Variants in TRPS1 observed in about 807,000 individuals in gnomAD.
TRPS1 encodes zinc finger transcription factor Trps1.
A neutral mutation model predicts 101.2 loss-of-function variants in TRPS1; 6 were observed. The observed-to-expected ratio is 0.06, with a 90% confidence interval of 0.03 to 0.12. The LOEUF (loss-of-function observed/expected upper bound fraction) is 0.12. Among genes scored for constraint, TRPS1 ranks in the 10% least tolerant of loss-of-function variants. TRPS1 has a pLI of 1.00. For synonymous variants in TRPS1, 578 were observed against 589.8 expected (o/e 0.98, Z 0.29); for missense variants, 1,363 against 1,567.0 (o/e 0.87, Z 2.20).
In TRPS1 at chr8:115,415,107, A is replaced by G. The variant is rs752405769; in HGVS notation, c.2824-23T>C. The G allele has an allele frequency of 3.2e-6, 5 of 1,579,392 alleles. No homozygotes were observed. In the South Asian group the frequency reaches 3.5e-5, roughly 11 times the overall value. ...AGTCTGCAGAGAACACATACAATACATAAAAGGAAAACATTAAAAAATACA... is the reference window on the plus strand; with the variant it reads ...AGTCTGCAGAGAACACATACAATACGTAAAAGGAAAACATTAAAAAATACA... On this transcript the variant is annotated intron_variant, in intron 6 of 6. Coordinates refer to ENST00000395715, the MANE Select transcript of TRPS1 (RefSeq NM_014112.5).
At chr8:115,416,564 TTATAA>T (rs1319926157) in intron 6 of TRPS1, among the ~76,000 whole-genome samples, 1 of 148,502 alleles carries the variant, frequency 6.7e-6, no homozygotes, top group Non-Finnish European at 1.5e-5. Flanking sequence ...CATAAACATG[TTATAA>T]TAATATAAAT....
chr8:115,467,706 C>T (rs950289511), intron 5 of TRPS1, among the ~76,000 whole-genome samples: 8 of 152,096 alleles, frequency 5.3e-5, no homozygotes, highest in Admixed American at 6.6e-5. Context: ...ATGAGACTGA[C>T]GTTCAATAGG....
intron 4 of TRPS1, among the ~76,000 whole-genome samples, chr8:115,590,882 G>A (rs1386059039): frequency 1.3e-5 from 2 of 151,684 alleles, no homozygotes; most frequent in Non-Finnish European, 2.9e-5. Context: ...ATTCCGTACT[G>A]TTTCTGCAAG....
At chr8:115,565,210 A>C (rs1817038621) in intron 5 of TRPS1, among the ~76,000 whole-genome samples, 1 of 152,170 alleles carries the variant, frequency 6.6e-6, no homozygotes, top group Non-Finnish European at 1.5e-5. Flanking sequence ...TGCTGAAAGT[A>C]GTGCTGACAG....
At chr8:115,503,351 C>G (rs1013497521) in intron 5 of TRPS1, among the ~76,000 whole-genome samples, 2 of 151,192 alleles carry the variant, frequency 1.3e-5, no homozygotes, top group Non-Finnish European at 2.9e-5. Context: ...GGCTAGCTGT[C>G]AAAAAATAAA....
At chr8:115,479,609 T>A (rs1814700685) in intron 5 of TRPS1, among the ~76,000 whole-genome samples, 1 of 152,162 alleles carries the variant, frequency 6.6e-6, no homozygotes, top group African/African-American at 2.4e-5. Context: ...TTTATAAAAT[T>A]TTGTATCTAA....
intron 5 of TRPS1, among the ~76,000 whole-genome samples, chr8:115,492,457 CTGTGTG>C (rs72046761): frequency 5.5e-5 from 8 of 145,360 alleles, no homozygotes; most frequent in South Asian, 2.2e-4. Context: ...GTGCCAAGCA[CTGTGTG>C]TGTGTGTGTG....
chr8:115,540,628 T>C (rs1036067027), intron 5 of TRPS1, among the ~76,000 whole-genome samples: 6 of 151,964 alleles, frequency 3.9e-5, no homozygotes, highest in Admixed American at 3.9e-4. Context: ...GTAATCACCA[T>C]TTAAATTACT....
intron 5 of TRPS1, among the ~76,000 whole-genome samples, chr8:115,434,954 C>T (rs1408137021): frequency 4.6e-5 from 7 of 152,160 alleles, no homozygotes; most frequent in Admixed American, 4.6e-4. Flanking sequence ...GTCTGCTTCC[C>T]ACAAAATCCA....
intron 5 of TRPS1, among the ~76,000 whole-genome samples, chr8:115,562,524 AG>A (rs929220151): frequency 6.6e-6 from 1 of 151,308 alleles, no homozygotes; most frequent in African/African-American, 2.4e-5. Context: ...AAAAAAAAAA[AG>A]CTTAAACAAT....
intron 5 of TRPS1, among the ~76,000 whole-genome samples, chr8:115,423,053 C>T (rs928923959): frequency 1.3e-5 from 2 of 152,208 alleles, no homozygotes; most frequent in Admixed American, 1.3e-4. Context: ...GCTGCAATCT[C>T]TGCCCCTGAA....
chr8:115,649,143 T>C (rs138518515), intron 1 of TRPS1, among the ~76,000 whole-genome samples: 22 of 152,346 alleles, frequency 1.4e-4, no homozygotes, highest in African/African-American at 5.3e-4. Context: ...ACCGGTTGTA[T>C]GTTTCCTGAA....
intron 5 of TRPS1, among the ~76,000 whole-genome samples, chr8:115,434,935 A>G (rs1008445103): frequency 6.6e-6 from 1 of 152,212 alleles, no homozygotes; most frequent in African/African-American, 2.4e-5. Context: ...CTTCTCTCTT[A>G]GGAAAAGAGT....
At chr8:115,426,445 T>C (rs1813188155) in intron 5 of TRPS1, among the ~76,000 whole-genome samples, 1 of 152,286 alleles carries the variant, frequency 6.6e-6, no homozygotes, top group Admixed American at 6.5e-5. Flanking sequence ...GAGAGTCAGA[T>C]ACAGTTATTA....
intron 5 of TRPS1, among the ~76,000 whole-genome samples, chr8:115,450,666 G>A (rs780982841): frequency 6.6e-6 from 1 of 151,998 alleles, no homozygotes; most frequent in African/African-American, 2.4e-5. Context: ...TTTAGGAACT[G>A]TAACTCATGT....
intron 5 of TRPS1, among the ~76,000 whole-genome samples, chr8:115,480,056 T>C (rs1214188800): frequency 6.6e-6 from 1 of 152,172 alleles, no homozygotes; most frequent in East Asian, 1.9e-4. Context: ...TCTAATGGCA[T>C]AGTATTTGCT....
chr8:115,556,076 G>C (rs1310404286), intron 5 of TRPS1, among the ~76,000 whole-genome samples: 1 of 152,040 alleles, frequency 6.6e-6, no homozygotes, highest in Non-Finnish European at 1.5e-5. Context: ...GACACTAAGT[G>C]TGATTTCAAT....
intron 4 of TRPS1, among the ~76,000 whole-genome samples, chr8:115,598,169 T>C (rs1038065472): frequency 6.6e-6 from 1 of 152,232 alleles, no homozygotes; most frequent in Non-Finnish European, 1.5e-5. Flanking sequence ...TTCTCCTCTA[T>C]AGTTTTGGAA....
At chr8:115,415,160 A>C in intron 6 of TRPS1, 76 bp from the exon 7 acceptor site, 1 of 1,431,284 alleles carries the variant, frequency 7.0e-7, no homozygotes, top group Non-Finnish European at 9.5e-7. Context: ...TTCCTCACAA[A>C]TATAAACCAT....
Sources: gnomAD v4.1 joint callset for allele counts (sites outside exome capture counted in the v4.1 genomes callset) on GRCh38, gnomAD v4.1.1 for gene constraint, MANE v1.5 for transcripts, NCBI Gene and HGNC (gene_info 2026-07-23, HGNC 2026-07-21) for gene names.